GSG1L: variants seen among roughly 807,000 people sequenced by gnomAD.
GSG1L encodes germ cell-specific gene 1-like protein.
In GSG1L, 24 loss-of-function variants were observed where a neutral mutation model predicts 42.1. The ratio of observed to expected loss-of-function variants is 0.57; its 90% CI spans 0.41 to 0.80. The LOEUF (loss-of-function observed/expected upper bound fraction) is 0.80. GSG1L is among the 30% of genes least tolerant of loss of function. The probability of loss-of-function intolerance (pLI) is 0.00; values close to 1 mark genes in which losing one functional copy is unlikely to be tolerated. For missense variants in GSG1L, 445 were observed against 472.2 expected (o/e 0.94, Z 0.53); for synonymous variants, 215 against 203.5 (o/e 1.06, Z -0.48).
intron 4 of GSG1L, among the ~76,000 whole-genome samples, chr16:27,844,477 A>T (rs772959): frequency 0.33 from 50,656 of 151,930 alleles, 8,734 homozygotes; most frequent in East Asian, 0.45. Flanking sequence ...AGGGGTCGGC[A>T]GGGGGTCAGA....
intron 2 of GSG1L, among the ~76,000 whole-genome samples, chr16:27,948,929 T>TTATTATTATTATTATTATTATTAC (rs1453453838): frequency 6.7e-6 from 1 of 150,120 alleles, no homozygotes; most frequent in South Asian, 2.1e-4. Flanking sequence ...ATTATTATTA[T>TTATTATTATTATTATTATTATTAC]TATTTTGAGA....
At chr16:27,853,303 A>G (rs2083537101) in intron 3 of GSG1L, among the ~76,000 whole-genome samples, 1 of 152,222 alleles carries the variant, frequency 6.6e-6, no homozygotes, top group African/African-American at 2.4e-5. Context: ...AGCTGATGCT[A>G]TGTTTAAAAC....
chr16:27,869,097 C>T (rs1239374447), intron 3 of GSG1L, among the ~76,000 whole-genome samples: 1 of 152,152 alleles, frequency 6.6e-6, no homozygotes, highest in Non-Finnish European at 1.5e-5. Flanking sequence ...CGGGGCCTCC[C>T]GTCCTCCCAG....
rs546491183 is a variant in GSG1L, at chr16:27,853,774, T to C, written c.551-8713A>G. Among the ~76,000 whole-genome samples, 21 of 152,230 alleles carry C rather than the reference T, an allele frequency of 1.4e-4. No individual in the cohort carries two copies. The East Asian group carries it at 3.7e-3, about 27-fold the overall frequency. On this transcript the variant is annotated intron_variant, in intron 3 of 6. Transcript: ENST00000447459. ...GCCTTGTTCAGCTCAGCTGCCCCCA[T>C]CCAGCCCTGTGGCAGTGACTAGGCT...
At chr16:27,978,474 C>G (rs1474734972) in intron 1 of GSG1L, among the ~76,000 whole-genome samples, 1 of 151,788 alleles carries the variant, frequency 6.6e-6, no homozygotes, top group African/African-American at 2.4e-5. Flanking sequence ...GGGCGGATCA[C>G]GAGGTCAGGA....
In GSG1L at chr16:27,891,277, G is replaced by A. The variant is rs143890194; in HGVS notation, c.398-6639C>T. 6.0e-4 allele frequency among the ~76,000 whole-genome samples: 91 copies of A among 152,270 alleles called. 2 individuals carry two copies. In the East Asian group the frequency reaches 0.017, roughly 29 times the overall value. On this transcript the variant is annotated intron_variant, in intron 2 of 6. Transcript: ENST00000447459. ...TGTCAGAACCAAAGAGTGAAAAAGT[G>A]ATTCTCTTTTCCCTGATTTTTAGCA...
intron 4 of GSG1L, among the ~76,000 whole-genome samples, chr16:27,841,079 G>A (rs1338272629): frequency 1.3e-5 from 2 of 152,144 alleles, no homozygotes; most frequent in Non-Finnish European, 2.9e-5. Flanking sequence ...CTAGATTTGG[G>A]GGTGATGTGT....
At chr16:28,029,560 GATGC>G (rs374004878) in intron 1 of GSG1L, among the ~76,000 whole-genome samples, 1 of 116,488 alleles carries the variant, frequency 8.6e-6, no homozygotes, top group South Asian at 3.8e-4. Context: ...TGGATGGATG[GATGC>G]ATGGGTGGAT....
chr16:28,021,475 C>G (rs1416263997), intron 1 of GSG1L, among the ~76,000 whole-genome samples: 1 of 152,232 alleles, frequency 6.6e-6, no homozygotes, highest in South Asian at 2.1e-4. Context: ...TCATCTCCCT[C>G]TAACTGAGTG....
chr16:27,919,959 A>G (rs1165632668), intron 2 of GSG1L, among the ~76,000 whole-genome samples: 4 of 152,246 alleles, frequency 2.6e-5, no homozygotes, highest in African/African-American at 9.6e-5. Flanking sequence ...ATCCCATCCC[A>G]TGCCAAATGG....
intron 2 of GSG1L, among the ~76,000 whole-genome samples, chr16:27,958,752 T>C (rs181396173): frequency 6.6e-6 from 1 of 152,198 alleles, no homozygotes; most frequent in Non-Finnish European, 1.5e-5. Context: ...CTCGGCTCAC[T>C]GTAACCTCCA....
intron 1 of GSG1L, among the ~76,000 whole-genome samples, chr16:28,038,883 T>C (rs1044475846): frequency 6.6e-6 from 1 of 152,178 alleles, no homozygotes; most frequent in Non-Finnish European, 1.5e-5. Flanking sequence ...AAAACTCAAA[T>C]TGAGTTATCG....
intron 5 of GSG1L, among the ~76,000 whole-genome samples, chr16:27,817,893 C>A (rs1298100692): frequency 1.3e-5 from 2 of 152,358 alleles, no homozygotes; most frequent in South Asian, 2.1e-4. Flanking sequence ...TCTCCTCTGG[C>A]CTTGGCTGGC....
chr16:28,044,111 G>A (rs1045665333), intron 1 of GSG1L, among the ~76,000 whole-genome samples: 5 of 151,986 alleles, frequency 3.3e-5, no homozygotes, highest in South Asian at 2.1e-4. Flanking sequence ...CAGATACCAG[G>A]CCAATTAAAA....
intron 4 of GSG1L, among the ~76,000 whole-genome samples, chr16:27,833,801 A>G (rs1162404409): frequency 6.6e-6 from 1 of 152,184 alleles, no homozygotes; most frequent in Non-Finnish European, 1.5e-5. Flanking sequence ...ATCCTAAGAC[A>G]ACACTAAACT....
At chr16:28,055,886 G>C (rs1439873044) in intron 1 of GSG1L, among the ~76,000 whole-genome samples, 2 of 151,844 alleles carry the variant, frequency 1.3e-5, no homozygotes, top group African/African-American at 2.4e-5. Context: ...ATCCTCACAA[G>C]ACAGCTCTGA....
intron 2 of GSG1L, among the ~76,000 whole-genome samples, chr16:27,908,626 C>T (rs765308823): frequency 1.3e-5 from 2 of 152,168 alleles, no homozygotes; most frequent in East Asian, 1.9e-4. Flanking sequence ...CTTCTTCCTG[C>T]GTCCTTGCAT....
At chr16:27,941,797 C>T (rs748040903) in intron 2 of GSG1L, among the ~76,000 whole-genome samples, 2 of 151,918 alleles carry the variant, frequency 1.3e-5, no homozygotes, top group Admixed American at 6.6e-5. Context: ...AATTCTCACA[C>T]GTGCTGCACC....
At chr16:27,879,807 T>A (rs2083930795) in intron 3 of GSG1L, among the ~76,000 whole-genome samples, 1 of 151,448 alleles carries the variant, frequency 6.6e-6, no homozygotes, top group East Asian at 1.9e-4. Flanking sequence ...TATTGTATTA[T>A]TATTTTATGT....
Sources: gnomAD v4.1 joint callset for allele counts (sites outside exome capture counted in the v4.1 genomes callset) on GRCh38, gnomAD v4.1.1 for gene constraint, MANE v1.5 for transcripts, NCBI Gene and HGNC (gene_info 2026-07-23, HGNC 2026-07-21) for gene names.